The following NLGN4Y variants were observed in gnomAD, a reference collection of about 807,000 sequenced individuals.
NLGN4Y encodes neuroligin 4 Y-linked.
NLGN4Y carries 4 observed loss-of-function variants against 8.4 expected under a neutral mutation model. The ratio of observed to expected loss-of-function variants is 0.48; its 90% CI spans 0.23 to 1.09. NLGN4Y has a LOEUF of 1.09. Among genes scored for constraint, NLGN4Y ranks in the 50% least tolerant of loss-of-function variants. NLGN4Y has a pLI of 0.19. For synonymous variants in NLGN4Y, 35 were observed against 75.6 expected, an observed-to-expected ratio of 0.46 and a Z score of 2.78; for missense variants, 90 against 192.3, an observed-to-expected ratio of 0.47 and a Z score of 3.15.
At chrY:14,654,755 T>C in intron 2 of NLGN4Y, among the ~76,000 whole-genome samples, 1 of 32,807 alleles carries the variant, frequency 3.0e-5, no homozygotes, top group South Asian at 6.7e-4. Context: ...GAATAAGCTA[T>C]AGATTTAAGA....
At position 14,748,675 on chromosome Y, in the gene NLGN4Y, G is replaced by A. The variant is rs763536277; in HGVS notation, c.685+25406G>A. 5 of 182,725 alleles carry A rather than the reference G, an allele frequency of 2.7e-5. No homozygotes were observed. In the African/African-American group the frequency reaches 4.5e-4, roughly 16 times the overall value. 45.6% of individuals were successfully genotyped at this position (182,725 alleles called of 400,897 possible). ...GCATCGTTGTCAGCTGCACCTGCAG[G>A]CACCACGGGATTGCAAGTCAGCATA... is the stretch of plus-strand genomic sequence containing the variant. On this transcript the variant is annotated intron_variant, in intron 4 of 6. Coordinates refer to ENST00000684976, the MANE Select transcript of NLGN4Y (RefSeq NM_001365588.1).
At chrY:14,571,428 A>G in intron 1 of NLGN4Y, among the ~76,000 whole-genome samples, 1 of 33,291 alleles carries the variant, frequency 3.0e-5, no homozygotes, top group African/African-American at 1.2e-4. Context: ...TTCTTTGCCT[A>G]CTTTCTGATG....
chrY:14,751,115 C>T (rs2081039736), intron 4 of NLGN4Y, among the ~76,000 whole-genome samples: 1 of 33,329 alleles, frequency 3.0e-5, no homozygotes, highest in Non-Finnish European at 7.4e-5. Context: ...ACATTCATTC[C>T]ACTACTTTTA....
At chrY:14,645,163 A>ATTTTTT (rs1238077609) in intron 2 of NLGN4Y, among the ~76,000 whole-genome samples, 1 of 13,348 alleles carries the variant, frequency 7.5e-5, no homozygotes, top group African/African-American at 5.7e-4. Flanking sequence ...TTGGACCTGA[A>ATTTTTT]TTTTTTTTTT....
chrY:14,595,569 G>A (rs2080392662), intron 1 of NLGN4Y, among the ~76,000 whole-genome samples: 1 of 32,606 alleles, frequency 3.1e-5, no homozygotes, highest in Non-Finnish European at 7.5e-5. Context: ...GAATATTGGG[G>A]CCAGGCCGCA....
At chrY:14,642,490 G>C in intron 2 of NLGN4Y, among the ~76,000 whole-genome samples, 1 of 33,218 alleles carries the variant, frequency 3.0e-5, no homozygotes, top group Non-Finnish European at 7.4e-5. Flanking sequence ...GTGGTTATTT[G>C]TTAGAAAGTA....
chrY:14,768,076 T>C (rs2081097245), intron 4 of NLGN4Y, among the ~76,000 whole-genome samples: 1 of 34,150 alleles, frequency 2.9e-5, no homozygotes, highest in Non-Finnish European at 7.3e-5. Context: ...TGTGGGGGTC[T>C]GATGAATGAC....
chrY:14,635,531 T>TTTTTC (rs2080562444), intron 2 of NLGN4Y, among the ~76,000 whole-genome samples: 1 of 31,840 alleles, frequency 3.1e-5, no homozygotes, highest in Non-Finnish European at 7.6e-5. Context: ...TCTTCATTTC[T>TTTTTC]TTTTCTTTTC....
intron 4 of NLGN4Y, among the ~76,000 whole-genome samples, chrY:14,734,752 T>G: frequency 3.0e-5 from 1 of 33,531 alleles, no homozygotes; most frequent in Non-Finnish European, 7.3e-5. Context: ...TTCCACTTGT[T>G]CTTAAATGAG....
intron 2 of NLGN4Y, among the ~76,000 whole-genome samples, chrY:14,626,673 C>T (rs1027116858): frequency 3.0e-5 from 1 of 33,608 alleles, no homozygotes; most frequent in Non-Finnish European, 7.4e-5. Flanking sequence ...ATTCCCTTAT[C>T]TGGCCCCACC....
At chrY:14,700,463 A>T in intron 2 of NLGN4Y, among the ~76,000 whole-genome samples, 1 of 33,946 alleles carries the variant, frequency 2.9e-5, no homozygotes, top group South Asian at 6.4e-4. Flanking sequence ...TAACATGTTT[A>T]GTTATAATTC....
At chrY:14,652,225 A>G in intron 2 of NLGN4Y, among the ~76,000 whole-genome samples, 3 of 33,224 alleles carry the variant, frequency 9.0e-5, no homozygotes, top group Non-Finnish European at 1.5e-4. Context: ...TACTTTTGAT[A>G]TGAATGTTAA....
intron 2 of NLGN4Y, among the ~76,000 whole-genome samples, chrY:14,650,778 A>G (rs2080627064): frequency 3.0e-5 from 1 of 32,839 alleles, no homozygotes; most frequent in South Asian, 6.9e-4. Flanking sequence ...GACAGTATAT[A>G]GGGCACCGAC....
chrY:14,810,408 A>C, intron 4 of NLGN4Y, among the ~76,000 whole-genome samples: 1 of 32,520 alleles, frequency 3.1e-5, no homozygotes, highest in Non-Finnish European at 7.5e-5. Context: ...GTGCGCCTAT[A>C]ATCCCAGCTG....
intron 2 of NLGN4Y, among the ~76,000 whole-genome samples, chrY:14,623,004 CTGCCATA>C (rs2080516532): frequency 3.0e-5 from 1 of 33,552 alleles, no homozygotes; most frequent in Non-Finnish European, 7.4e-5. Flanking sequence ...ATGGTTCTTT[CTGCCATA>C]ATGACTTGAG....
chrY:14,710,677 A>G, intron 2 of NLGN4Y, among the ~76,000 whole-genome samples: 1 of 34,078 alleles, frequency 2.9e-5, no homozygotes, highest in Admixed American at 2.7e-4. Flanking sequence ...TGTTCAGCCA[A>G]TCAAAAATTG....
chrY:14,772,332 G>A, intron 4 of NLGN4Y, among the ~76,000 whole-genome samples: 1 of 33,211 alleles, frequency 3.0e-5, no homozygotes, highest in Non-Finnish European at 7.4e-5. Context: ...TAAATTCCTG[G>A]ACACACACAT....
chrY:14,843,027 A>T lies in NLGN4Y; in HGVS notation c.*1765A>T. The stretch of plus-strand genomic sequence containing the variant: ...CATTGTGGGTTATTCTAGAAATCCA[A>T]TGTTAAATGCCTCTACTAAAGTGGG... On this transcript the variant is annotated 3_prime_UTR_variant, in exon 7 of 7. Transcript: ENST00000684976. 1 of 121,691 alleles carries T rather than the reference A, an allele frequency of 8.2e-6. No individual in the cohort carries two copies. Among genetic ancestry groups the T allele is most frequent in the South Asian group, 3.9e-5 (1 of 25,691 alleles). The allele number at this position is 121,691 out of a possible 400,897, so 30.4% of individuals were successfully genotyped here. A position where few individuals can be genotyped will look rare whatever the true frequency, so the allele number is the denominator to read the frequency against.
At chrY:14,600,022 T>C (rs2080420952) in intron 1 of NLGN4Y, among the ~76,000 whole-genome samples, 2 of 32,563 alleles carry the variant, frequency 6.1e-5, no homozygotes, top group African/African-American at 2.4e-4. Context: ...ATGTATTGTA[T>C]ATATAATATA....
Sources: allele counts gnomAD v4.1 joint callset (sites outside exome capture counted in the v4.1 genomes callset), GRCh38; gene constraint gnomAD v4.1.1; transcripts MANE v1.5; gene names NCBI Gene and HGNC (gene_info 2026-07-23, HGNC 2026-07-21).